The following PTGER3 variants were observed in gnomAD, a reference collection of about 807,000 sequenced individuals.
PTGER3 encodes prostaglandin E2 receptor EP3 subtype.
Under a neutral mutation model 34.7 loss-of-function variants are expected in PTGER3, and 22 were observed. That is an observed-to-expected ratio of 0.63 (90% CI 0.45 to 0.91). The LOEUF (loss-of-function observed/expected upper bound fraction) is 0.91. Ranked by LOEUF, PTGER3 falls within the 40% of genes least tolerant of loss-of-function variation. The pLI, the probability that PTGER3 is intolerant of heterozygous loss-of-function variation, is 0.00. For synonymous variants in PTGER3, 241 were observed against 230.1 expected, an observed-to-expected ratio of 1.05 and a Z score of -0.43; for missense variants, 468 against 519.4, an observed-to-expected ratio of 0.90 and a Z score of 0.96.
intron 2 of PTGER3, chr1:71,010,931 A>G (rs1205448992): frequency 1.0e-6 from 1 of 985,248 alleles, no homozygotes; most frequent in South Asian, 4.7e-5. Context: ...AGTATAAATA[A>G]ATCTCAAGCT....
At chr1:70,892,170 A>T (rs1646631517) in intron 4 of PTGER3, among the ~76,000 whole-genome samples, 1 of 152,190 alleles carries the variant, frequency 6.6e-6, no homozygotes, top group African/African-American at 2.4e-5. Flanking sequence ...GCTTTGGAGG[A>T]AGACAGACCT....
chr1:70,980,949 G>C (rs1654198412), intron 2 of PTGER3, among the ~76,000 whole-genome samples: 2 of 152,270 alleles, frequency 1.3e-5, no homozygotes, highest in Middle Eastern at 3.4e-3. Context: ...TCAAGGAACA[G>C]TGACCTTATA....
chr1:70,882,422 T>C (rs1190072937), intron 4 of PTGER3, among the ~76,000 whole-genome samples: 1 of 152,228 alleles, frequency 6.6e-6, no homozygotes, highest in African/African-American at 2.4e-5. Context: ...CAGGAGGCTA[T>C]GGCTGCTGGC....
intron 4 of PTGER3, among the ~76,000 whole-genome samples, chr1:70,899,722 T>G (rs1646797123): frequency 6.6e-6 from 1 of 151,878 alleles, no homozygotes; most frequent in Non-Finnish European, 1.5e-5. Flanking sequence ...GGGACTAGAG[T>G]AGAAACAGAA....
In PTGER3 at chr1:70,990,405, T is replaced by A. The variant is rs867050948; in HGVS notation, c.1078-16017A>T. Among the ~76,000 whole-genome samples the A allele has an allele frequency of 2.8e-3, 401 of 143,520 alleles. 1 individual carries two copies. Among genetic ancestry groups the A allele is most frequent in the African/African-American group, 9.6e-3 (375 of 38,940 alleles). The allele number at this position is 143,520 out of a possible 152,430, so 94.2% of individuals were successfully genotyped here. A position where few individuals can be genotyped will look rare whatever the true frequency, so the allele number is the denominator to read the frequency against. ...CACACACATATATATATATATAAAATACATATTATATCTATTATACATATG... is the reference window on the plus strand; with the variant it reads ...CACACACATATATATATATATAAAAAACATATTATATCTATTATACATATG... On this transcript the variant is annotated intron_variant, in intron 2 of 3. Coordinates refer to ENST00000306666, the MANE Select transcript of PTGER3 (RefSeq NM_198719.2).
chr1:70,858,774 T>A (rs775955916), intron 4 of PTGER3, among the ~76,000 whole-genome samples: 5 of 152,222 alleles, frequency 3.3e-5, no homozygotes, highest in Admixed American at 2.6e-4. Context: ...TACCAACATT[T>A]GGTTTTTCAG....
chr1:70,892,187 C>G (rs765935129), intron 4 of PTGER3, among the ~76,000 whole-genome samples: 113 of 152,220 alleles, frequency 7.4e-4, no homozygotes, highest in Non-Finnish European at 1.5e-3. Flanking sequence ...ACCTGCATTT[C>G]AAACCCAATT....
At chr1:70,900,194 C>A (rs1015073502) in intron 4 of PTGER3, among the ~76,000 whole-genome samples, 4 of 152,130 alleles carry the variant, frequency 2.6e-5, no homozygotes, top group African/African-American at 9.7e-5. Context: ...AATGATTTAA[C>A]TTTAATTTAT....
chr1:70,980,851 A>C (rs1480789835), intron 2 of PTGER3, among the ~76,000 whole-genome samples: 1 of 152,132 alleles, frequency 6.6e-6, no homozygotes, highest in African/African-American at 2.4e-5. Flanking sequence ...TATTTTGTGC[A>C]AAGATTCTGT....
At chr1:71,011,380 CTT>C in intron 2 of PTGER3, 1 of 985,176 alleles carries the variant, frequency 1.0e-6, no homozygotes, top group Non-Finnish European at 1.2e-6. Flanking sequence ...CTGGGGAACA[CTT>C]TTGGTGAATA....
chr1:70,862,884 G>A (rs1645957826), intron 4 of PTGER3, among the ~76,000 whole-genome samples: 1 of 152,142 alleles, frequency 6.6e-6, no homozygotes, highest in Admixed American at 6.5e-5. Context: ...GTTCTTAGCA[G>A]GAGGATGGCA....
intron 4 of PTGER3, among the ~76,000 whole-genome samples, chr1:70,867,383 A>C (rs1377808217): frequency 6.6e-6 from 1 of 152,106 alleles, no homozygotes; most frequent in Non-Finnish European, 1.5e-5. Context: ...TTGAGGGCAA[A>C]TATTAAAACC....
Position 71,032,941 on chromosome 1 carries a change from C to G in PTGER3, c.897+13740G>C, listed in dbSNP as rs79633440. On this transcript the variant is annotated intron_variant, in intron 1 of 3. Coordinates refer to ENST00000306666, the MANE Select transcript of PTGER3 (RefSeq NM_198719.2). ...GACCTAGCCTGGAAATCAGCATGCTCCAGATCTTCTGGGGATCACGAATCT... is the reference window on the plus strand; with the variant it reads ...GACCTAGCCTGGAAATCAGCATGCTGCAGATCTTCTGGGGATCACGAATCT... Among the ~76,000 whole-genome samples the G allele has an allele frequency of 2.8e-4, 43 of 152,248 alleles. No homozygotes were observed. The East Asian group carries it at 8.3e-3, about 29-fold the overall frequency.
chr1:70,966,316 C>G (rs897116869), downstream of PTGER3, among the ~76,000 whole-genome samples: 1 of 152,050 alleles, frequency 6.6e-6, no homozygotes, highest in East Asian at 1.9e-4. Context: ...GTGATGGGTT[C>G]ACCAAAATCT....
At chr1:70,945,114 C>A (rs1650105946) in intron 4 of PTGER3, among the ~76,000 whole-genome samples, 1 of 152,138 alleles carries the variant, frequency 6.6e-6, no homozygotes, top group South Asian at 2.1e-4. Flanking sequence ...GCTTGATTGA[C>A]TTCAAAATCT....
At chr1:70,913,994 T>A (rs2100405963) in intron 4 of PTGER3, among the ~76,000 whole-genome samples, 1 of 152,010 alleles carries the variant, frequency 6.6e-6, no homozygotes, top group African/African-American at 2.4e-5. Flanking sequence ...AGAAGCCAGC[T>A]TTATAGAATG....
chr1:70,966,519 G>C (rs532962553), downstream of PTGER3, among the ~76,000 whole-genome samples: 1 of 151,918 alleles, frequency 6.6e-6, no homozygotes, highest in African/African-American at 2.4e-5. Flanking sequence ...TGCACAAAAC[G>C]TGCAGGTTTG....
intron 2 of PTGER3, among the ~76,000 whole-genome samples, chr1:70,980,226 G>C (rs1654128885): frequency 6.6e-6 from 1 of 152,128 alleles, no homozygotes; most frequent in South Asian, 2.1e-4. Flanking sequence ...ATGGGAATTG[G>C]AGAAATAGAA....
downstream of PTGER3, among the ~76,000 whole-genome samples, chr1:70,969,611 A>G (rs921800284): frequency 6.6e-6 from 1 of 152,206 alleles, no homozygotes; most frequent in African/African-American, 2.4e-5. Flanking sequence ...TAAGGAAAAA[A>G]CAAAAATACT....
Sources: allele counts gnomAD v4.1 joint callset (sites outside exome capture counted in the v4.1 genomes callset), GRCh38; gene constraint gnomAD v4.1.1; transcripts MANE v1.5; gene names NCBI Gene and HGNC (gene_info 2026-07-23, HGNC 2026-07-21).